The following KCTD1 variants were observed in gnomAD, a reference collection of about 807,000 sequenced individuals.
KCTD1 encodes the protein potassium channel tetramerization domain containing 1.
KCTD1 carries 24 observed loss-of-function variants against 66.0 expected under a neutral mutation model. That is an observed-to-expected ratio of 0.36 (90% CI 0.26 to 0.51). The LOEUF (loss-of-function observed/expected upper bound fraction) is 0.51, where lower values mean the gene tolerates loss of function less well. KCTD1 is among the 20% of genes least tolerant of loss of function. The pLI is 0.95. For synonymous variants in KCTD1, 511 were observed against 517.2 expected (o/e 0.99, Z 0.16); for missense variants, 943 against 1,205.2 (o/e 0.78, Z 3.22).
intron 3 of KCTD1, among the ~76,000 whole-genome samples, chr18:26,475,371 G>A (rs369913675): frequency 1.6e-4 from 24 of 152,036 alleles, no homozygotes; most frequent in African/African-American, 5.1e-4. Context: ...ACAATATTGA[G>A]GTTTCCCATC....
intron 1 of KCTD1, among the ~76,000 whole-genome samples, chr18:26,602,668 G>T (rs776789793): frequency 6.6e-6 from 1 of 152,118 alleles, no homozygotes; most frequent in African/African-American, 2.4e-5. Context: ...CAGGCATCAG[G>T]AACTTATCAG....
intron 1 of KCTD1, among the ~76,000 whole-genome samples, chr18:26,595,271 C>T (rs192808078): frequency 6.6e-6 from 1 of 152,208 alleles, no homozygotes; most frequent in African/African-American, 2.4e-5. Flanking sequence ...AACTTCACCT[C>T]AGCCCTCAGT....
chr18:26,533,456 G>C lies in KCTD1; in HGVS notation c.1809+13272C>G, dbSNP rs551923322. 5.9e-5 allele frequency among the ~76,000 whole-genome samples: 9 copies of C among 152,240 alleles called. No homozygotes were observed. The South Asian group carries it at 1.9e-3, about 32-fold the overall frequency. ...TACTGTTCTATGTAATACATTGCCA[G>C]AAAGTTTCATATTCTTTATTGTATT... On this transcript the variant is annotated intron_variant, in intron 1 of 4. Coordinates refer to ENST00000580059, the MANE Select transcript of KCTD1 (RefSeq NM_001142730.3).
Position 26,492,605 on chromosome 18 carries a change from C to CAATAAATAAATAAATAAATA in KCTD1, c.1988+8447_1988+8466dup, listed in dbSNP as rs56266790. The stretch of plus-strand genomic sequence containing the variant: ...TGAGTGACAGAACAAGACACTGTCT[C>CAATAAATAAATAAATAAATA]AATAAATAAATAAATAAATAAATAA... On this transcript the variant is annotated intron_variant, in intron 2 of 4. Coordinates refer to ENST00000580059, the MANE Select transcript of KCTD1 (RefSeq NM_001142730.3). Among the ~76,000 whole-genome samples, 3 of 138,546 alleles carry CAATAAATAAATAAATAAATA rather than the reference C, an allele frequency of 2.2e-5. No homozygotes were observed. The Admixed American group carries it at 2.2e-4, about 10-fold the overall frequency. 90.9% of individuals were successfully genotyped at this position (138,546 alleles called of 152,430 possible). A position where few individuals can be genotyped will look rare whatever the true frequency, so the allele number is the denominator to read the frequency against.
chr18:26,520,640 A>C (rs8088765), intron 1 of KCTD1, among the ~76,000 whole-genome samples: 108,381 of 152,116 alleles, frequency 0.71, 41,205 homozygotes, highest in South Asian at 0.85. Context: ...TAAAACCCCC[A>C]AAATTAAAAA....
At chr18:26,488,959 C>G (rs1982053268) in intron 2 of KCTD1, among the ~76,000 whole-genome samples, 1 of 152,202 alleles carries the variant, frequency 6.6e-6, no homozygotes, top group African/African-American at 2.4e-5. Context: ...GCAAATGTCA[C>G]TGCCGTCAGA....
At chr18:26,603,691 C>T (rs1265089260) in intron 1 of KCTD1, among the ~76,000 whole-genome samples, 3 of 151,168 alleles carry the variant, frequency 2.0e-5, no homozygotes, top group South Asian at 2.1e-4. Flanking sequence ...TGCAGTGGGC[C>T]GAGATTGTGC....
At chr18:26,600,902 C>T (rs1200864586) in intron 1 of KCTD1, among the ~76,000 whole-genome samples, 2 of 152,088 alleles carry the variant, frequency 1.3e-5, no homozygotes, top group Non-Finnish European at 2.9e-5. Flanking sequence ...TGTAGCATTG[C>T]ATCTGTGTCC....
intron 1 of KCTD1, among the ~76,000 whole-genome samples, chr18:26,596,405 T>C (rs2144960197): frequency 6.6e-6 from 1 of 152,342 alleles, no homozygotes; most frequent in African/African-American, 2.4e-5. Flanking sequence ...CTCTTGGACT[T>C]TCCATCCTCT....
intron 1 of KCTD1, among the ~76,000 whole-genome samples, chr18:26,638,327 A>G (rs1195978037): frequency 1.3e-5 from 2 of 152,104 alleles, no homozygotes; most frequent in African/African-American, 4.8e-5. Flanking sequence ...TCTCCCACCA[A>G]AATTTTTCCA....
At chr18:26,535,414 C>G (rs892062778) in intron 1 of KCTD1, among the ~76,000 whole-genome samples, 10 of 152,026 alleles carry the variant, frequency 6.6e-5, no homozygotes, top group African/African-American at 2.2e-4. Context: ...CAGCAAGGAG[C>G]CAGTCTGCAC....
intron 1 of KCTD1, among the ~76,000 whole-genome samples, chr18:26,637,285 C>T (rs1035789830): frequency 3.3e-5 from 5 of 152,156 alleles, no homozygotes; most frequent in African/African-American, 9.7e-5. Flanking sequence ...TTCTGAACCC[C>T]GGGCCAGATT....
chr18:26,583,045 T>C (rs556829382), intron 1 of KCTD1, among the ~76,000 whole-genome samples: 16 of 151,762 alleles, frequency 1.1e-4, no homozygotes, highest in African/African-American at 3.6e-4. Flanking sequence ...TATATTTCCG[T>C]AATGTTTAAT....
intron 1 of KCTD1, among the ~76,000 whole-genome samples, chr18:26,576,138 C>T (rs1175715394): frequency 1.3e-5 from 2 of 152,162 alleles, no homozygotes. Context: ...ATAGCCCTCT[C>T]CAGGTTCTTA....
chr18:26,475,141 T>C (rs965799621), intron 3 of KCTD1, among the ~76,000 whole-genome samples: 2 of 152,228 alleles, frequency 1.3e-5, no homozygotes, highest in Middle Eastern at 3.2e-3. Context: ...TTTAAATTAA[T>C]ATAGCTCGAA....
At chr18:26,477,817 T>C (rs1981427798) in intron 2 of KCTD1, among the ~76,000 whole-genome samples, 1 of 152,228 alleles carries the variant, frequency 6.6e-6, no homozygotes, top group African/African-American at 2.4e-5. Context: ...AAAACTCATG[T>C]TACGTTACTC....
intron 2 of KCTD1, among the ~76,000 whole-genome samples, chr18:26,497,721 A>AT (rs1186273422): frequency 1.3e-5 from 2 of 152,218 alleles, no homozygotes; most frequent in African/African-American, 4.8e-5. Flanking sequence ...GAGCAGCGTC[A>AT]TTTGCTTTAG....
intron 1 of KCTD1, among the ~76,000 whole-genome samples, chr18:26,502,791 C>T (rs1982833605): frequency 6.6e-6 from 1 of 152,152 alleles, no homozygotes; most frequent in Non-Finnish European, 1.5e-5. Context: ...TATGGCAAAG[C>T]CAGGGATAAG....
intron 1 of KCTD1, among the ~76,000 whole-genome samples, chr18:26,509,844 C>T (rs1003955514): frequency 6.6e-6 from 1 of 152,188 alleles, no homozygotes; most frequent in African/African-American, 2.4e-5. Flanking sequence ...AACTCAGCCG[C>T]CCGCCCCGTG....
Sources: gnomAD v4.1 joint callset for allele counts (sites outside exome capture counted in the v4.1 genomes callset) on GRCh38, gnomAD v4.1.1 for gene constraint, MANE v1.5 for transcripts, NCBI Gene and HGNC (gene_info 2026-07-23, HGNC 2026-07-21) for gene names.